MTUS2: variants seen among roughly 807,000 people sequenced by gnomAD.
The protein encoded by MTUS2 is microtubule associated scaffold protein 2.
A neutral mutation model predicts 114.1 loss-of-function variants in MTUS2; 40 were observed. The observed-to-expected ratio is 0.35, with a 90% CI of 0.27 to 0.46. The LOEUF is 0.46. Among genes scored for constraint, MTUS2 ranks in the 20% least tolerant of loss-of-function variants. The pLI, the probability that MTUS2 is intolerant of heterozygous loss-of-function variation, is 1.00. For synonymous variants in MTUS2, 688 were observed against 672.0 expected (o/e 1.02, Z -0.37); for missense variants, 1,679 against 1,705.4 (o/e 0.98, Z 0.27).
intron 4 of MTUS2, among the ~76,000 whole-genome samples, chr13:29,037,418 A>G (rs1306075152): frequency 1.7e-5 from 2 of 118,314 alleles, no homozygotes; most frequent in East Asian, 3.3e-4. Flanking sequence ...GGGTAACCCA[A>G]CCTTTCTCTC....
At position 29,480,970 on chromosome 13, in the gene MTUS2, C is replaced by A. The variant is rs1245829969; in HGVS notation, c.3399+606C>A. 1.3e-5 allele frequency among the ~76,000 whole-genome samples: 2 copies of A among 152,126 alleles called. No individual in the cohort carries two copies. The highest frequency in any genetic ancestry group is 4.8e-5 in the African/African-American group (2 of 41,416). ...CCATTTTACACGGAAGAAAGCCAAG[C>A]CCCCATGGTTCAATAATTTGCCAGA... On this transcript the variant is annotated intron_variant, in intron 10 of 15. Coordinates refer to ENST00000612955, the MANE Select transcript of MTUS2 (RefSeq NM_001033602.4). The surrounding 1 kb of genome is among the most constrained non-coding windows in gnomAD (Gnocchi z 4.4).
At chr13:29,147,568 T>G (rs1378653248) in intron 5 of MTUS2, among the ~76,000 whole-genome samples, 1 of 152,146 alleles carries the variant, frequency 6.6e-6, no homozygotes, top group African/African-American at 2.4e-5. Flanking sequence ...ATAGGTAGTT[T>G]TTCAACCATT....
At chr13:29,236,600 T>TA (rs1566083566) in intron 5 of MTUS2, among the ~76,000 whole-genome samples, 1 of 152,238 alleles carries the variant, frequency 6.6e-6, no homozygotes, top group African/African-American at 2.4e-5. Flanking sequence ...TTAGGATAGT[T>TA]ACAGTACACG....
chr13:29,350,271 G>T (rs1159813683), intron 7 of MTUS2, among the ~76,000 whole-genome samples: 1 of 151,390 alleles, frequency 6.6e-6, no homozygotes, highest in African/African-American at 2.4e-5. Context: ...TTGGCTGGAG[G>T]CTCGGGAGAA....
At chr13:28,833,729 C>T (rs1287926575) in intron 1 of MTUS2, among the ~76,000 whole-genome samples, 2 of 151,908 alleles carry the variant, frequency 1.3e-5, no homozygotes, top group African/African-American at 2.4e-5. Context: ...GAAAAATCAT[C>T]CAGATTGGAA....
intron 2 of MTUS2, among the ~76,000 whole-genome samples, chr13:28,902,791 C>T (rs1272763703): frequency 6.6e-6 from 1 of 152,036 alleles, no homozygotes; most frequent in Non-Finnish European, 1.5e-5. Context: ...TTTGTATTAT[C>T]TTTGTCTGGT....
intron 4 of MTUS2, among the ~76,000 whole-genome samples, chr13:29,046,519 T>G (rs1204189119): frequency 1.3e-5 from 2 of 152,238 alleles, no homozygotes; most frequent in Non-Finnish European, 2.9e-5. Flanking sequence ...CTTCGTTTAC[T>G]TCTTTGAACA....
At chr13:29,323,493 G>A (rs184232138) in intron 6 of MTUS2, among the ~76,000 whole-genome samples, 122 of 152,158 alleles carry the variant, frequency 8.0e-4, no homozygotes, top group Middle Eastern at 3.4e-3. Flanking sequence ...CTCGTGATCC[G>A]CCTGCCTCGG....
chr13:29,457,130 G>T (rs1879171771), intron 9 of MTUS2, among the ~76,000 whole-genome samples: 1 of 147,588 alleles, frequency 6.8e-6, no homozygotes. Context: ...GGGCGACAGC[G>T]AGACTCCATT....
At chr13:29,426,573 C>T (rs748219909) in intron 8 of MTUS2, among the ~76,000 whole-genome samples, 1 of 152,220 alleles carries the variant, frequency 6.6e-6, no homozygotes, top group Non-Finnish European at 1.5e-5. Flanking sequence ...ATTCCACTTT[C>T]TGTCTCTGTG....
intron 5 of MTUS2, among the ~76,000 whole-genome samples, chr13:29,202,126 C>T (rs1894984192): frequency 6.6e-6 from 1 of 152,122 alleles, no homozygotes; most frequent in Non-Finnish European, 1.5e-5. Flanking sequence ...TTCTCCCCAT[C>T]ACTTTCAGGT....
At position 29,281,782 on chromosome 13, in the gene MTUS2, G is replaced by T. The variant is rs542576593; in HGVS notation, c.2723G>T (p.Arg908Leu). The T allele has an allele frequency of 1.9e-6, 3 of 1,612,208 alleles. No individual in the cohort carries two copies. Among genetic ancestry groups the T allele is most frequent in the African/African-American group, 2.7e-5 (2 of 74,888 alleles). The change falls in exon 6 of 16, where the codon CGG (arginine) becomes CTG (leucine). Residue 908 changes from arginine to leucine, a missense_variant. By Grantham distance (102) the Arg-to-Leu change is moderately radical. Coordinates refer to ENST00000612955, the MANE Select transcript of MTUS2 (RefSeq NM_001033602.4). ...AAGGACACACCCAAGGGGGCCGGCC[G>T]GGTGGCCCCTCCAGCATCCTCCAGT... The part of the protein sequence containing the change: ...PSKDTPKGAG[R>L]VAPPASSSVT...
rs1593220103 is a variant in MTUS2 at position 28,820,443 on chromosome 13, G to C, written c.-484G>C. On this transcript the variant is annotated 5_prime_UTR_variant, in exon 1 of 16. Coordinates refer to ENST00000612955, the MANE Select transcript of MTUS2 (RefSeq NM_001033602.4). The stretch of plus-strand genomic sequence containing the variant: ...AGGGCAAGTTTATCTCCCCCCTTCT[G>C]CGGAAACCCTTGACCGCTTAGCGGA... The C allele has an allele frequency of 6.6e-6, 1 of 152,144 alleles. No homozygotes were observed. Among genetic ancestry groups the C allele is most frequent in the Non-Finnish European group, 1.5e-5 (1 of 68,008 alleles). The allele number at this position is 152,144 out of a possible 1,614,324, so 9.4% of individuals were successfully genotyped here.
intron 5 of MTUS2, among the ~76,000 whole-genome samples, chr13:29,106,939 A>G (rs1890694765): frequency 6.6e-6 from 1 of 151,674 alleles, no homozygotes; most frequent in Non-Finnish European, 1.5e-5. Flanking sequence ...TATACTCCCA[A>G]CTAGCCAAAT....
In MTUS2 at chr13:29,487,303, G is replaced by A. The variant is rs1444953789; in HGVS notation, c.3400-597G>A. ...TGCATTAGAAAGAGCCTCGCCTTTG[G>A]AGTCAGACAGACCTGGGTCTCACTG... On this transcript the variant is annotated intron_variant, in intron 10 of 15. Coordinates refer to ENST00000612955, the MANE Select transcript of MTUS2 (RefSeq NM_001033602.4). Among the ~76,000 whole-genome samples the A allele has an allele frequency of 2.6e-5, 4 of 152,168 alleles. No individual in the cohort carries two copies. In the East Asian group the frequency reaches 7.7e-4, roughly 29 times the overall value.
At chr13:29,294,426 T>G (rs1898850367) in intron 6 of MTUS2, among the ~76,000 whole-genome samples, 1 of 152,226 alleles carries the variant, frequency 6.6e-6, no homozygotes, top group Non-Finnish European at 1.5e-5. Context: ...GCTTTCAGTA[T>G]TTCACTATCA....
chr13:29,397,724 C>T (rs1358398862), intron 8 of MTUS2, among the ~76,000 whole-genome samples: 1 of 152,218 alleles, frequency 6.6e-6, no homozygotes, highest in Non-Finnish European at 1.5e-5. Context: ...GCCAGCCATT[C>T]CCAACCTGTG....
At chr13:29,060,166 G>A (rs1236322433) in intron 4 of MTUS2, among the ~76,000 whole-genome samples, 3 of 152,250 alleles carry the variant, frequency 2.0e-5, no homozygotes, top group African/African-American at 4.8e-5. Context: ...CACCATGACT[G>A]TGGCCTCTAT....
intron 2 of MTUS2, among the ~76,000 whole-genome samples, chr13:28,872,593 T>G (rs534121026): frequency 1.3e-5 from 2 of 152,276 alleles, no homozygotes; most frequent in African/African-American, 4.8e-5. Context: ...GGAACTGGCA[T>G]GTACAGAGAT....
Sources: gnomAD v4.1 joint callset for allele counts (sites outside exome capture counted in the v4.1 genomes callset) on GRCh38, gnomAD v4.1.1 for gene constraint, Gnocchi (gnomAD v3.1) non-coding constraint, MANE v1.5 for transcripts, NCBI Gene and HGNC (gene_info 2026-07-23, HGNC 2026-07-21) for gene names.